Variants in EVC observed in about 807,000 individuals in gnomAD.
EVC encodes the protein evC complex member EVC.
EVC carries 116 observed loss-of-function variants against 118.9 expected under a neutral mutation model. The ratio of observed to expected loss-of-function variants is 0.98; its 90% CI spans 0.84 to 1.14. The LOEUF is 1.14. Among genes scored for constraint, EVC ranks in the 50% most tolerant of loss-of-function variants. EVC has a pLI of 0.00. For missense variants in EVC, 1,401 were observed against 1,246.4 expected, an observed-to-expected ratio of 1.12 and a Z score of -1.87; for synonymous variants, 619 against 534.7, an observed-to-expected ratio of 1.16 and a Z score of -2.18.
At chr4:5,808,136 T>TTCCCC in intron 17 of EVC, 65 bp from the exon 18 acceptor site, 2 of 306,554 alleles carry the variant, frequency 6.5e-6, no homozygotes, top group Non-Finnish European at 1.4e-5. Flanking sequence ...TCCTTCTCCC[T>TTCCCC]CCCTCCCTCC....
chr4:5,771,465 C>T (rs1244009237), intron 11 of EVC, among the ~76,000 whole-genome samples: 1 of 152,132 alleles, frequency 6.6e-6, no homozygotes, highest in African/African-American at 2.4e-5. Context: ...TCTCAGGATC[C>T]TTAACTCAGT....
chr4:5,761,833 A>C (rs1732076183), intron 11 of EVC, among the ~76,000 whole-genome samples: 1 of 151,920 alleles, frequency 6.6e-6, no homozygotes, highest in South Asian at 2.1e-4. Flanking sequence ...CCGGGAATTC[A>C]GCTTCCAAGG....
At chr4:5,769,097 A>G (rs1016317748) in intron 11 of EVC, among the ~76,000 whole-genome samples, 1 of 152,160 alleles carries the variant, frequency 6.6e-6, no homozygotes, top group Non-Finnish European at 1.5e-5. Flanking sequence ...TAATAAAGAT[A>G]TACCCGAGAC....
At chr4:5,777,387 C>T (rs1029342360) in intron 11 of EVC, among the ~76,000 whole-genome samples, 4 of 152,096 alleles carry the variant, frequency 2.6e-5, no homozygotes, top group African/African-American at 9.7e-5. Context: ...GTTTACCAGG[C>T]CCCCACCCGT....
chr4:5,772,696 A>C (rs1489962394), intron 11 of EVC, among the ~76,000 whole-genome samples: 2 of 152,042 alleles, frequency 1.3e-5, no homozygotes, highest in South Asian at 4.1e-4. Context: ...CCACCTGTCC[A>C]GCCTGGCCCA....
rs1051145847 is a variant in EVC, at chr4:5,731,798, A to G, written c.617+141A>G. On this transcript the variant is annotated intron_variant, in intron 4 of 20. Coordinates refer to ENST00000264956, the MANE Select transcript of EVC (RefSeq NM_153717.3). This position sits in a 1 kb window ranked among gnomAD's most constrained non-coding sequence, Gnocchi z 5.6. ...GGACACACAGCGACCCAGCGTCACC[A>G]TCGGAGCCCCAGAGGCCTTTGTCAC... The G allele has an allele frequency of 2.3e-6, 2 of 857,260 alleles. No homozygotes were observed. Among genetic ancestry groups the G allele is most frequent in the Admixed American group, 2.0e-5 (1 of 49,844 alleles). The allele number at this position is 857,260 out of a possible 1,614,324, so 53.1% of individuals were successfully genotyped here. A position where few individuals can be genotyped will look rare whatever the true frequency, so the allele number is the denominator to read the frequency against.
chr4:5,766,158 T>G (rs918873911), intron 11 of EVC, among the ~76,000 whole-genome samples: 2 of 149,732 alleles, frequency 1.3e-5, no homozygotes, highest in African/African-American at 5.0e-5. Context: ...CTCCATCACT[T>G]ATGAAGCATA....
At chr4:5,828,106 G>A in the EVC span, 1 of 985,418 alleles carries the variant, frequency 1.0e-6, no homozygotes, top group Non-Finnish European at 1.2e-6. Flanking sequence ...TCTGAGCCGT[G>A]ACTCTGGCTA....
intron 13 of EVC, 54 bp downstream of exon 13, chr4:5,793,771 C>G: frequency 7.3e-7 from 1 of 1,377,572 alleles, no homozygotes; most frequent in Non-Finnish European, 1.0e-6. Context: ...GATGCTCCCT[C>G]CAGCCTCAGT....
At chr4:5,712,094 G>C (rs772066446) in intron 1 of EVC, among the ~76,000 whole-genome samples, 2 of 152,202 alleles carry the variant, frequency 1.3e-5, no homozygotes, top group African/African-American at 4.8e-5. Context: ...ACCCTGCCTT[G>C]AGGCTGTGAA....
chr4:5,815,002 C>A (rs910089983), downstream of EVC, among the ~76,000 whole-genome samples: 10 of 152,238 alleles, frequency 6.6e-5, no homozygotes, highest in Middle Eastern at 3.4e-3. Context: ...TACAGTGAGA[C>A]CCACATAAAC....
Position 5,715,981 on chromosome 4 carries a change from A to G in EVC, c.175-3267A>G, listed in dbSNP as rs539296609. 4.6e-5 allele frequency among the ~76,000 whole-genome samples: 7 copies of G among 152,186 alleles called. No individual in the cohort carries two copies. The East Asian group carries it at 7.8e-4, about 17-fold the overall frequency. ...CTGGTCTCGAACTCCTGAGCTCGTG[A>G]TCCACCTGCCTCGGCCTCCCAGAGT... On this transcript the variant is annotated intron_variant, in intron 1 of 20. Coordinates refer to ENST00000264956, the MANE Select transcript of EVC (RefSeq NM_153717.3).
intron 2 of EVC, among the ~76,000 whole-genome samples, chr4:5,728,503 A>G (rs947299412): frequency 2.6e-5 from 4 of 152,090 alleles, no homozygotes; most frequent in African/African-American, 4.8e-5. Flanking sequence ...TAGATATACA[A>G]TCATGTCGTC....
chr4:5,806,342 G>A (rs1051508835), intron 17 of EVC, among the ~76,000 whole-genome samples: 1 of 151,880 alleles, frequency 6.6e-6, no homozygotes, highest in Non-Finnish European at 1.5e-5. Context: ...TTGGCCTCTC[G>A]GTGCTGGGAT....
rs1377724023 is a variant in EVC at position 5,752,819 on chromosome 4, T to A, written c.1099-17T>A. 1.2e-6 allele frequency: 2 copies of A among 1,613,056 alleles called. No homozygotes were observed. The highest frequency in any genetic ancestry group is 4.5e-5 in the East Asian group (2 of 44,862). ...CCAGGACACCCCAGCTATGGTCCTGTGTGTTTCTTTTTGCAGGACGCCCTG... is the reference window on the plus strand; with the variant it reads ...CCAGGACACCCCAGCTATGGTCCTGAGTGTTTCTTTTTGCAGGACGCCCTG... On this transcript the variant is annotated splice_polypyrimidine_tract_variant and intron_variant, in intron 8 of 20. Coordinates refer to ENST00000264956, the MANE Select transcript of EVC (RefSeq NM_153717.3).
At position 5,754,077 on chromosome 4, in the gene EVC, A is replaced by G. The variant is rs1190296415; in HGVS notation, c.1464+144A>G. ...TGTGTCAGCCGAGTGACCGAATCTC[A>G]GTCCCTTAGCCCCTACATCCCTAGG... On this transcript the variant is annotated intron_variant, in intron 10 of 20. Transcript: ENST00000264956. The surrounding 1 kb of genome is among the most constrained non-coding windows in gnomAD (Gnocchi z 5.8). The G allele has an allele frequency of 1.1e-5, 12 of 1,082,038 alleles. No homozygotes were observed. Among genetic ancestry groups the G allele is most frequent in the Non-Finnish European group, 1.5e-5 (11 of 726,048 alleles). The allele number at this position is 1,082,038 out of a possible 1,614,324, so 67.0% of individuals were successfully genotyped here.
chr4:5,720,396 T>TG (rs1212732835), intron 2 of EVC, among the ~76,000 whole-genome samples: 1 of 152,170 alleles, frequency 6.6e-6, no homozygotes, highest in Non-Finnish European at 1.5e-5. Flanking sequence ...GTCCCGCAGC[T>TG]GGGGGAGTAG....
intron 13 of EVC, among the ~76,000 whole-genome samples, chr4:5,794,237 AT>A (rs2152328602): frequency 1.3e-5 from 1 of 77,962 alleles, no homozygotes; most frequent in Admixed American, 1.4e-4. Flanking sequence ...ATATATATAT[AT>A]TTATATATAT....
chr4:5,725,906 G>A (rs1221538467), intron 2 of EVC, among the ~76,000 whole-genome samples: 1 of 152,076 alleles, frequency 6.6e-6, no homozygotes, highest in Non-Finnish European at 1.5e-5. Flanking sequence ...AATAATGAGG[G>A]GTCTTCCCCC....
Sources: gnomAD v4.1 joint callset for allele counts (sites outside exome capture counted in the v4.1 genomes callset) on GRCh38, gnomAD v4.1.1 for gene constraint, Gnocchi (gnomAD v3.1) non-coding constraint, MANE v1.5 for transcripts, NCBI Gene and HGNC (gene_info 2026-07-23, HGNC 2026-07-21) for gene names.